DUSP8: variants seen among roughly 807,000 people sequenced by gnomAD.
The protein encoded by DUSP8 is dual specificity phosphatase 8.
DUSP8 carries 15 observed loss-of-function variants against 38.7 expected under a neutral mutation model. That is an observed-to-expected ratio of 0.39 (90% CI 0.26 to 0.60). DUSP8 has a LOEUF of 0.60. Among genes scored for constraint, DUSP8 ranks in the 20% least tolerant of loss-of-function variants. The probability of loss-of-function intolerance (pLI) is 0.56; values close to 1 mark genes in which losing one functional copy is unlikely to be tolerated. For synonymous variants in DUSP8, 458 were observed against 433.9 expected, an observed-to-expected ratio of 1.06 and a Z score of -0.69; for missense variants, 768 against 915.0, an observed-to-expected ratio of 0.84 and a Z score of 2.07.
chr11:1,562,415 G>A (rs917740754), intron 3 of DUSP8, among the ~76,000 whole-genome samples: 2 of 152,058 alleles, frequency 1.3e-5, no homozygotes, highest in African/African-American at 2.4e-5. Flanking sequence ...CTCTCTCCCC[G>A]CCCCCCACCA....
chr11:1,561,736 T>C (rs1004641893), intron 3 of DUSP8, among the ~76,000 whole-genome samples: 1 of 152,228 alleles, frequency 6.6e-6, no homozygotes, highest in South Asian at 2.1e-4. Context: ...TCCCTGCAAA[T>C]GGACCAAGGA....
chr11:1,555,205 A>G lies in DUSP8; in HGVS notation c.*1313T>C. ...GCAGCAGGCTGACCCACCTGGGCCC[A>G]AAAGCCACTTGTGTTTGGGGGCTGG... On this transcript the variant is annotated 3_prime_UTR_variant, in exon 7 of 7. Coordinates refer to ENST00000397374, the MANE Select transcript of DUSP8 (RefSeq NM_004420.3). The G allele has an allele frequency of 2.0e-6, 2 of 987,874 alleles. No individual in the cohort carries two copies. The highest frequency in any genetic ancestry group is 2.4e-6 in the Non-Finnish European group (2 of 830,206). 61.2% of individuals were successfully genotyped at this position (987,874 alleles called of 1,614,324 possible).
chr11:1,562,044 G>A (rs921772980), intron 3 of DUSP8, among the ~76,000 whole-genome samples: 17 of 152,232 alleles, frequency 1.1e-4, no homozygotes, highest in South Asian at 1.0e-3. Flanking sequence ...AGCACAGAAA[G>A]GCAGTTCTGA....
intron 1 of DUSP8, among the ~76,000 whole-genome samples, chr11:1,567,608 CTG>C (rs1848823586): frequency 1.3e-5 from 2 of 152,256 alleles, no homozygotes; most frequent in Admixed American, 1.3e-4. Context: ...GCCCAGGCTT[CTG>C]TGCATTCCCA....
At chr11:1,572,500 G>A (rs1232112733), upstream of DUSP8, among the ~76,000 whole-genome samples, 6 of 151,580 alleles carry the variant, frequency 4.0e-5, no homozygotes, top group Non-Finnish European at 8.8e-5. The surrounding 1 kb of genome is among the most constrained non-coding windows in gnomAD (Gnocchi z 4.7). Context: ...CCCGGGACCG[G>A]CTCTTAAAGG....
At position 1,555,326 on chromosome 11, in the gene DUSP8, A is replaced by C. The variant is rs1848605300; in HGVS notation, c.*1192T>G. On this transcript the variant is annotated 3_prime_UTR_variant, in exon 7 of 7. Coordinates refer to ENST00000397374, the MANE Select transcript of DUSP8 (RefSeq NM_004420.3). The stretch of plus-strand genomic sequence containing the variant: ...GGGTGGGGGCAAACGAGGGGGCTTT[A>C]CCTGTCTTGAGGCAGTGCTCCCTAA... 1 of 987,844 alleles carries C rather than the reference A, an allele frequency of 1.0e-6. No individual in the cohort carries two copies. Among genetic ancestry groups the C allele is most frequent in the Non-Finnish European group, 1.2e-6 (1 of 830,258 alleles). The allele number at this position is 987,844 out of a possible 1,614,324, so 61.2% of individuals were successfully genotyped here.
At chr11:1,559,933 G>A (rs1848692510) in intron 3 of DUSP8, among the ~76,000 whole-genome samples, 1 of 152,174 alleles carries the variant, frequency 6.6e-6, no homozygotes, top group Admixed American at 6.5e-5. Flanking sequence ...TCTGGTCTCA[G>A]CTTCCTCCTC....
At chr11:1,572,296 G>A (rs1368305293), upstream of DUSP8, among the ~76,000 whole-genome samples, 6 of 149,876 alleles carry the variant, frequency 4.0e-5, no homozygotes, top group African/African-American at 1.5e-4. The surrounding 1 kb of genome is among the most constrained non-coding windows in gnomAD (Gnocchi z 4.7). Context: ...GGAGGGCGGG[G>A]CCGCCGGCGG....
chr11:1,568,529 G>A (rs1848840662), intron 1 of DUSP8, among the ~76,000 whole-genome samples: 2 of 152,164 alleles, frequency 1.3e-5, no homozygotes, highest in South Asian at 2.1e-4. Context: ...TCGTCACCAT[G>A]GCAACAGCAG....
Position 1,557,239 on chromosome 11 carries a change from T to C in DUSP8, c.1157A>G (p.Asp386Gly). 1 of 1,495,266 alleles carries C rather than the reference T, an allele frequency of 6.7e-7. No individual in the cohort carries two copies. Among genetic ancestry groups the C allele is most frequent in the Non-Finnish European group, 8.9e-7 (1 of 1,124,896 alleles). The allele number at this position is 1,495,266 out of a possible 1,614,324, so 92.6% of individuals were successfully genotyped here. Residue 386 changes from aspartate (D) to glycine (G), a missense_variant, in exon 7 of 7, where the codon GAC becomes GGC. Physicochemically the swap from Asp to Gly is moderately conservative, Grantham distance 94 (BLOSUM62 -1). Coordinates refer to ENST00000397374, the MANE Select transcript of DUSP8 (RefSeq NM_004420.3). The surrounding 1 kb of genome is among the most constrained non-coding windows in gnomAD (Gnocchi z 9.9). ...GLHLSSDRLQ[D>G]TNRLKRSFSL... The stretch of plus-strand genomic sequence containing the variant: ...GAAGGAGCGCTTGAGGCGGTTAGTG[T>C]CCTGCAGGCGGTCCGAGGAGAGGTG...
intron 3 of DUSP8, among the ~76,000 whole-genome samples, chr11:1,560,612 T>C (rs1467949363): frequency 6.6e-5 from 10 of 152,216 alleles, no homozygotes; most frequent in Admixed American, 6.5e-4. Context: ...GGAAAGCAGG[T>C]AGGTGACTTG....
rs775121558 is a variant in DUSP8, at chr11:1,557,100, C to T, written c.1296G>A (p.Ala432=). 126 of 1,361,156 alleles carry T rather than the reference C, an allele frequency of 9.3e-5. 4 individuals are homozygous for T. Among genetic ancestry groups the T allele is most frequent in the East Asian group, 9.2e-4 (28 of 30,426 alleles). 84.3% of individuals were successfully genotyped at this position (1,361,156 alleles called of 1,614,324 possible). The part of the protein sequence containing the change: ...LCKLDSPSGA[A]LGLSSPSPDS... ...CCGGGCTGGGCGAGGACAGGCCCAG[C>T]GCGGCCCCCGACGGGCTGTCCAGCT... Residue 432 remains alanine (A), a synonymous_variant, in exon 7 of 7, where the codon GCG becomes GCA. Coordinates refer to ENST00000397374, the MANE Select transcript of DUSP8 (RefSeq NM_004420.3). The surrounding 1 kb of genome is among the most constrained non-coding windows in gnomAD (Gnocchi z 9.9).
At chr11:1,566,456 C>T (rs1219288502) in intron 1 of DUSP8, among the ~76,000 whole-genome samples, 9 of 152,140 alleles carry the variant, frequency 5.9e-5, no homozygotes, top group Admixed American at 1.3e-4. Flanking sequence ...CTCCGTAAGC[C>T]GATAATCCAG....
chr11:1,571,679 G>A (rs1207809004), intron 1 of DUSP8: 2 of 151,902 alleles, frequency 1.3e-5, no homozygotes, highest in East Asian at 3.9e-4. Context: ...GCGTGGGCTG[G>A]GCCCGGGTCC....
At chr11:1,560,479 G>A (rs527337931) in intron 3 of DUSP8, among the ~76,000 whole-genome samples, 6 of 152,244 alleles carry the variant, frequency 3.9e-5, no homozygotes, top group African/African-American at 1.2e-4. Flanking sequence ...CCAGCTCCCC[G>A]TGTCCCTAAA....
rs1209033076 is a variant in DUSP8, at chr11:1,556,756, G to C, written c.1640C>G (p.Ala547Gly). The C allele has an allele frequency of 2.5e-6, 3 of 1,202,956 alleles. No individual in the cohort carries two copies. Among genetic ancestry groups the C allele is most frequent in the Non-Finnish European group, 3.1e-6 (3 of 969,716 alleles). The allele number at this position is 1,202,956 out of a possible 1,614,324, so 74.5% of individuals were successfully genotyped here. The change falls in exon 7 of 7, where the codon GCC (alanine) becomes GGC (glycine). Residue 547 changes from alanine to glycine, a missense_variant. Coordinates refer to ENST00000397374, the MANE Select transcript of DUSP8 (RefSeq NM_004420.3). This position sits in a 1 kb window ranked among gnomAD's most constrained non-coding sequence, Gnocchi z 5.2. ...VLFAPFGRAG[A>G]PGPGGGSDLR... ...GTCGCTGCCGCCGCCTGGTCCCGGG[G>C]CGCCCGCCCGGCCGAAGGGCGCAAA...
chr11:1,560,097 G>A (rs1015635564), intron 3 of DUSP8, among the ~76,000 whole-genome samples: 1 of 152,172 alleles, frequency 6.6e-6, no homozygotes, highest in East Asian at 1.9e-4. Context: ...CAGCTCTTGG[G>A]AGGGTGAAGC....
Position 1,557,602 on chromosome 11 carries a change from C to G in DUSP8, c.822-28G>C. 1 of 1,501,036 alleles carries G rather than the reference C, an allele frequency of 6.7e-7. No individual in the cohort carries two copies. The highest frequency in any genetic ancestry group is 8.8e-7 in the Non-Finnish European group (1 of 1,130,818). The allele number at this position is 1,501,036 out of a possible 1,614,324, so 93.0% of individuals were successfully genotyped here. ...GCGGGGGAGGAGGCTCAGTCCCAGG[C>G]GCCCGCCGGGGCCAGGCTGCCCACC... On this transcript the variant is annotated intron_variant, in intron 6 of 6. Transcript: ENST00000397374. This position sits in a 1 kb window ranked among gnomAD's most constrained non-coding sequence, Gnocchi z 9.9.
chr11:1,562,611 A>G (rs1848737184), intron 3 of DUSP8, among the ~76,000 whole-genome samples: 2 of 152,212 alleles, frequency 1.3e-5, no homozygotes, highest in Admixed American at 6.5e-5. Context: ...ACACACGTAC[A>G]TGCACATATG....
Sources: allele counts gnomAD v4.1 joint callset (sites outside exome capture counted in the v4.1 genomes callset), GRCh38; gene constraint gnomAD v4.1.1; non-coding constraint Gnocchi (gnomAD v3.1); transcripts MANE v1.5; gene names NCBI Gene and HGNC (gene_info 2026-07-23, HGNC 2026-07-21).